Variants in BRINP3 observed in about 807,000 individuals in gnomAD.
BRINP3 encodes BMP/retinoic acid inducible neural specific 3.
BRINP3 carries 19 observed loss-of-function variants against 71.0 expected under a neutral mutation model. The ratio of observed to expected loss-of-function variants is 0.27; its 90% CI spans 0.19 to 0.39. The LOEUF is 0.39. BRINP3 is among the 10% of genes least tolerant of loss of function. The pLI, the probability that BRINP3 is intolerant of heterozygous loss-of-function variation, is 1.00. For missense variants in BRINP3, 959 were observed against 940.8 expected, an observed-to-expected ratio of 1.02 and a Z score of -0.25; for synonymous variants, 380 against 337.7, an observed-to-expected ratio of 1.13 and a Z score of -1.37.
intron 1 of BRINP3, among the ~76,000 whole-genome samples, chr1:190,455,801 T>C (rs1675945280): frequency 6.6e-6 from 1 of 152,158 alleles, no homozygotes; most frequent in African/African-American, 2.4e-5. Flanking sequence ...ACTGCATACA[T>C]TGTAGTATAA....
intron 2 of BRINP3, among the ~76,000 whole-genome samples, chr1:190,427,642 A>T (rs1673801168): frequency 6.6e-6 from 1 of 152,040 alleles, no homozygotes; most frequent in Non-Finnish European, 1.5e-5. Flanking sequence ...TGGGTAGCAA[A>T]GAAAAATCCC....
intron 2 of BRINP3, among the ~76,000 whole-genome samples, chr1:190,380,009 A>AG (rs1553306877): frequency 8.0e-6 from 1 of 124,658 alleles, no homozygotes. Context: ...AAAAAAAAAA[A>AG]AAAGAAAAAA....
chr1:190,098,683 G>C lies in BRINP3; in HGVS notation c.1636C>G (p.Leu546Val). Reference sequence around the variant, plus strand: ...GAGAGACCCAAAATCATATGGACCAGACTTGACTTGTACTTATTGCTCTTC... The same window carrying C: ...GAGAGACCCAAAATCATATGGACCACACTTGACTTGTACTTATTGCTCTTC... Reference protein sequence around the residue: ...TLKSNKYKSSLVHMILGLSLQ... With the variant: ...TLKSNKYKSSVVHMILGLSLQ... The change falls in exon 8 of 8, where the codon CTG (leucine) becomes GTG (valine). Residue 546 changes from leucine to valine, a missense_variant. Physicochemically the swap from Leu to Val is conservative, Grantham distance 32. Transcript: ENST00000367462. 6.2e-7 allele frequency: 1 copy of C among 1,614,196 alleles called. No individual in the cohort carries two copies. Among genetic ancestry groups the C allele is most frequent in the South Asian group, 1.1e-5 (1 of 91,084 alleles).
chr1:190,322,543 T>G (rs907823465), intron 2 of BRINP3, among the ~76,000 whole-genome samples: 1 of 151,946 alleles, frequency 6.6e-6, no homozygotes, highest in Non-Finnish European at 1.5e-5. Flanking sequence ...GGGAATATCC[T>G]AGAATATTCA....
At chr1:190,349,287 C>T (rs1668219201) in intron 2 of BRINP3, among the ~76,000 whole-genome samples, 1 of 151,920 alleles carries the variant, frequency 6.6e-6, no homozygotes, top group African/African-American at 2.4e-5. Flanking sequence ...ATTTCACCAA[C>T]TTTAAATTTA....
intron 1 of BRINP3, chr1:190,474,903 A>G (rs987007870): frequency 1.3e-5 from 2 of 152,352 alleles, no homozygotes; most frequent in Non-Finnish European, 2.9e-5. Flanking sequence ...GAGCGCTCCC[A>G]GTCCCAGATC....
At chr1:190,104,630 G>C (rs1651984712) in intron 7 of BRINP3, among the ~76,000 whole-genome samples, 2 of 151,840 alleles carry the variant, frequency 1.3e-5, no homozygotes, top group South Asian at 4.2e-4. Context: ...ACATGATCAA[G>C]ACTATATTGA....
intron 6 of BRINP3, among the ~76,000 whole-genome samples, chr1:190,217,929 C>G (rs1344269701): frequency 2.0e-5 from 3 of 151,886 alleles, no homozygotes; most frequent in East Asian, 3.9e-4. Flanking sequence ...AAATATTTAC[C>G]AATTTGCTAC....
At chr1:190,302,020 T>A (rs1180579003) in intron 2 of BRINP3, among the ~76,000 whole-genome samples, 1 of 151,496 alleles carries the variant, frequency 6.6e-6, no homozygotes, top group East Asian at 1.9e-4. Context: ...TACTTTTATG[T>A]TAAAAGCAAA....
At chr1:190,464,608 A>G (rs955044691) in intron 1 of BRINP3, among the ~76,000 whole-genome samples, 10 of 152,078 alleles carry the variant, frequency 6.6e-5, no homozygotes, top group African/African-American at 2.4e-4. Flanking sequence ...ATAAAGAATA[A>G]ATATTTTTGG....
intron 3 of BRINP3, among the ~76,000 whole-genome samples, chr1:190,267,849 C>A (rs1016018675): frequency 6.6e-6 from 1 of 151,918 alleles, no homozygotes; most frequent in Non-Finnish European, 1.5e-5. Context: ...AATTAACATA[C>A]CCAAATAGTT....
chr1:190,193,620 C>T (rs575510441), intron 6 of BRINP3, among the ~76,000 whole-genome samples: 2 of 152,126 alleles, frequency 1.3e-5, no homozygotes, highest in South Asian at 2.1e-4. Context: ...GACTTAGAAG[C>T]CTTACTCTTC....
intron 2 of BRINP3, among the ~76,000 whole-genome samples, chr1:190,363,358 C>A (rs1669275407): frequency 6.6e-6 from 1 of 152,176 alleles, no homozygotes; most frequent in African/African-American, 2.4e-5. Flanking sequence ...CCTGCCCAAA[C>A]TCCTGACACG....
intron 1 of BRINP3, among the ~76,000 whole-genome samples, chr1:190,464,780 G>A (rs565749936): frequency 4.6e-5 from 7 of 151,512 alleles, no homozygotes; most frequent in East Asian, 3.9e-4. Flanking sequence ...AGTTAATACC[G>A]ACCTCAGAAA....
At chr1:190,183,930 G>A (rs1653270087) in intron 6 of BRINP3, among the ~76,000 whole-genome samples, 1 of 152,098 alleles carries the variant, frequency 6.6e-6, no homozygotes, top group Non-Finnish European at 1.5e-5. Flanking sequence ...CAGGACAATT[G>A]TTGTCTATCT....
intron 7 of BRINP3, among the ~76,000 whole-genome samples, chr1:190,111,502 T>C (rs1652692741): frequency 6.6e-6 from 1 of 152,168 alleles, no homozygotes; most frequent in Non-Finnish European, 1.5e-5. Context: ...AACAGGACCT[T>C]GATTTTGTTC....
chr1:190,386,383 G>C (rs1670908781), intron 2 of BRINP3, among the ~76,000 whole-genome samples: 1 of 151,582 alleles, frequency 6.6e-6, no homozygotes, highest in South Asian at 2.1e-4. Context: ...CTGTTTTTAA[G>C]TATAAGGGAA....
chr1:190,321,109 G>T (rs1341143918), intron 2 of BRINP3, among the ~76,000 whole-genome samples: 1 of 151,932 alleles, frequency 6.6e-6, no homozygotes, highest in Admixed American at 6.6e-5. Flanking sequence ...CTGTATAGGG[G>T]CAGGGCCAGA....
chr1:190,364,245 G>GT (rs938758334), intron 2 of BRINP3, among the ~76,000 whole-genome samples: 3 of 151,554 alleles, frequency 2.0e-5, no homozygotes, highest in East Asian at 2.0e-4. Flanking sequence ...ATTTTATAAT[G>GT]TTTTTTTCCA....
Sources: allele counts gnomAD v4.1 joint callset (sites outside exome capture counted in the v4.1 genomes callset), GRCh38; gene constraint gnomAD v4.1.1; transcripts MANE v1.5; gene names NCBI Gene and HGNC (gene_info 2026-07-23, HGNC 2026-07-21).